Variants in TTC21B observed in about 807,000 individuals in gnomAD.
TTC21B encodes tetratricopeptide repeat domain 21B.
In TTC21B, 127 loss-of-function variants were observed where a neutral mutation model predicts 175.1. The observed-to-expected ratio is 0.73, with a 90% CI of 0.63 to 0.84. TTC21B has a LOEUF of 0.84. Ranked by LOEUF, TTC21B falls within the 40% of genes least tolerant of loss-of-function variation. The pLI, the probability that TTC21B is intolerant of heterozygous loss-of-function variation, is 0.00. For missense variants in TTC21B, 1,561 were observed against 1,558.3 expected (o/e 1.00, Z -0.03); for synonymous variants, 524 against 524.5 (o/e 1.00, Z 0.01).
Position 165,943,351 on chromosome 2 carries a change from G to A in TTC21B, c.430-10C>T. 1 of 1,589,620 alleles carries A rather than the reference G, an allele frequency of 6.3e-7. No homozygotes were observed. The highest frequency in any genetic ancestry group is 2.2e-5 in the East Asian group (1 of 44,616). On this transcript the variant is annotated splice_polypyrimidine_tract_variant and intron_variant, in intron 4 of 28. Transcript: ENST00000243344. ...CTTTCAAAACGTGTCCCTGTAAAAT[G>A]AATAATTCTATTTTTACTTTTTTAG...
chr2:165,938,594 C>T (rs1289198394), intron 6 of TTC21B, among the ~76,000 whole-genome samples: 1 of 152,126 alleles, frequency 6.6e-6, no homozygotes. Context: ...AGTTGTACTA[C>T]ACCATGGCAG....
intron 16 of TTC21B, 50 bp downstream of exon 16, chr2:165,913,524 A>T: frequency 2.4e-6 from 3 of 1,247,500 alleles, no homozygotes; most frequent in Non-Finnish European, 3.5e-6. Context: ...AGTTGTACTC[A>T]TCACAAATAA....
rs746849236 is a variant in TTC21B at position 165,888,428 on chromosome 2, CT to C, written c.3309del (p.Ala1104GlnfsTer8). 1.9e-6 allele frequency: 3 copies of C among 1,613,752 alleles called. No homozygotes were observed. Among genetic ancestry groups the C allele is most frequent in the Non-Finnish European group, 8.5e-7 (1 of 1,179,896 alleles). ...TTTAGTTCCTTAAGAAGTTTTTCTG[CT>C]GTTCTTACTGCCAGTTGCACAGATT... ...KQESVQLAVRTAEKLLKELKP... is the reference protein window; with the variant it reads ...KQESVQLAVRXAEKLLKELKP... On this transcript the variant is annotated frameshift_variant, in exon 25 of 29. Transcript: ENST00000243344. LOFTEE classifies it high-confidence loss of function.
intron 14 of TTC21B, among the ~76,000 whole-genome samples, 174 bp downstream of exon 14, chr2:165,917,083 T>G (rs1003057871): frequency 6.6e-6 from 1 of 152,174 alleles, no homozygotes; most frequent in Non-Finnish European, 1.5e-5. Context: ...TTCACCATAT[T>G]GGCCAGGCTG....
chr2:165,935,240 A>G (rs1687086324), intron 6 of TTC21B, among the ~76,000 whole-genome samples: 1 of 152,208 alleles, frequency 6.6e-6, no homozygotes, highest in Non-Finnish European at 1.5e-5. Flanking sequence ...CTGAATCATT[A>G]TATGTTTAGA....
chr2:165,896,611 T>C (rs1204779735), intron 22 of TTC21B, among the ~76,000 whole-genome samples: 1 of 152,086 alleles, frequency 6.6e-6, no homozygotes, highest in Non-Finnish European at 1.5e-5. Context: ...AGGGGCATTC[T>C]AAGGAAGAAG....
chr2:165,939,815 C>CT (rs1687296692), intron 6 of TTC21B, among the ~76,000 whole-genome samples: 2 of 152,164 alleles, frequency 1.3e-5, no homozygotes, highest in Non-Finnish European at 2.9e-5. Flanking sequence ...GAAGCAAACT[C>CT]TATCCTCTAG....
In TTC21B at chr2:165,937,771, C is replaced by CCACACACACA. The variant is rs4001021; in HGVS notation, c.710+3246_710+3255dup. Among the ~76,000 whole-genome samples, 590 of 127,604 alleles carry CCACACACACA rather than the reference C, an allele frequency of 4.6e-3. 2 individuals are homozygous for CCACACACACA. The highest frequency in any genetic ancestry group is 0.014 in the African/African-American group (477 of 33,746). The allele number at this position is 127,604 out of a possible 152,430, so 83.7% of individuals were successfully genotyped here. On this transcript the variant is annotated intron_variant, in intron 6 of 28. Coordinates refer to ENST00000243344, the MANE Select transcript of TTC21B (RefSeq NM_024753.5). ...TACATATTTTTAAAATATATAGAAA[C>CCACACACACA]CACACACACACACACACACACACAC...
At chr2:165,950,242 C>T (rs574004618) in intron 1 of TTC21B, among the ~76,000 whole-genome samples, 47 of 152,200 alleles carry the variant, frequency 3.1e-4, no homozygotes, top group African/African-American at 1.0e-3. Flanking sequence ...TTGAGTTCTG[C>T]GACAAATAAA....
intron 27 of TTC21B, chr2:165,879,737 C>T (rs950190267): frequency 6.6e-6 from 1 of 152,066 alleles, no homozygotes; most frequent in Non-Finnish European, 1.5e-5. Flanking sequence ...ATGGCATCTA[C>T]CACCTTCACA....
intron 26 of TTC21B, 26 bp downstream of exon 26, chr2:165,883,768 T>C (rs767928289): frequency 6.5e-5 from 102 of 1,565,688 alleles, no homozygotes; most frequent in Non-Finnish European, 7.9e-5. Context: ...AGGTCAATAA[T>C]TATTTTTTAC....
Position 165,901,786 on chromosome 2 carries a change from C to T in TTC21B, c.2693G>A (p.Arg898Gln), listed in dbSNP as rs574017249. The change falls in exon 20 of 29, where the codon CGA becomes CAA. Residue 898 changes from arginine (R) to glutamine (Q), a missense_variant. Arg to Gln is a conservative substitution (Grantham distance 43). Coordinates refer to ENST00000243344, the MANE Select transcript of TTC21B (RefSeq NM_024753.5). ...AEIAKHSVAQ[R>Q]DYEKAIKFYR... Reference sequence around the variant, plus strand: ...AAACTTAATTGCTTTTTCATAGTCTCGCTGAGCAACAGAATGTTTTGCAAT... The same window carrying T: ...AAACTTAATTGCTTTTTCATAGTCTTGCTGAGCAACAGAATGTTTTGCAAT... The T allele has an allele frequency of 9.5e-5, 153 of 1,613,962 alleles. No individual in the cohort carries two copies. The highest frequency in any genetic ancestry group is 1.1e-4 in the Non-Finnish European group (131 of 1,180,022).
chr2:165,934,477 G>A (rs1210955179), intron 6 of TTC21B, among the ~76,000 whole-genome samples: 1 of 135,292 alleles, frequency 7.4e-6, no homozygotes, highest in Non-Finnish European at 1.5e-5. Flanking sequence ...ACTCCAGTCT[G>A]GGCAACAAGC....
Position 165,901,727 on chromosome 2 carries a change from T to C in TTC21B, c.2752A>G (p.Asn918Asp), listed in dbSNP as rs147900868. 6.8e-6 allele frequency: 11 copies of C among 1,613,388 alleles called. No individual in the cohort carries two copies. The African/African-American group carries it at 1.3e-4, about 20-fold the overall frequency. ...REALVHCETD[N>D]KIMLELARLY... ...AATTTTATAAAGGTACTGACCTTAT[T>C]ATCTGTTTCGCAGTGAACCAGAGCC... The change falls in exon 20 of 29, where the codon AAT (asparagine) becomes GAT (aspartate). Residue 918 changes from asparagine to aspartate, a missense_variant. Asn to Asp is a conservative substitution (Grantham distance 23). Transcript: ENST00000243344.
Position 165,884,976 on chromosome 2 carries a change from C to T in TTC21B, c.3460-958G>A, listed in dbSNP as rs940608616. Among the ~76,000 whole-genome samples, 10 of 152,222 alleles carry T rather than the reference C, an allele frequency of 6.6e-5. No individual in the cohort carries two copies. In the East Asian group the frequency reaches 1.9e-3, roughly 29 times the overall value. On this transcript the variant is annotated intron_variant, in intron 25 of 28. Coordinates refer to ENST00000243344, the MANE Select transcript of TTC21B (RefSeq NM_024753.5). The stretch of plus-strand genomic sequence containing the variant: ...AGGCTAGTGCATAGCGAGACCTCGC[C>T]TCAACTGAAAATACAAAAGAAAAAC...
Position 165,906,971 on chromosome 2 carries a change from A to G in TTC21B, c.2568+707T>C, listed in dbSNP as rs542150592. 2.3e-4 allele frequency among the ~76,000 whole-genome samples: 34 copies of G among 151,088 alleles called. No individual in the cohort carries two copies. In the South Asian group the frequency reaches 2.3e-3, roughly 10 times the overall value. On this transcript the variant is annotated intron_variant, in intron 19 of 28. Transcript: ENST00000243344. ...ACTCCGTCTCAAAAAAAAAAAAAAA[A>G]AAAAAAGAAAAAAAGAATTAGCATC...
At chr2:165,939,974 T>C (rs920186637) in intron 6 of TTC21B, among the ~76,000 whole-genome samples, 1 of 152,164 alleles carries the variant, frequency 6.6e-6, no homozygotes, top group Non-Finnish European at 1.5e-5. Flanking sequence ...GAAATACTAA[T>C]AGTACCTTCC....
intron 6 of TTC21B, among the ~76,000 whole-genome samples, chr2:165,938,236 G>C (rs549161235): frequency 8.4e-4 from 127 of 151,860 alleles, no homozygotes; most frequent in Non-Finnish European, 7.7e-4. Flanking sequence ...TAACGGAAAA[G>C]ACTTCAGCAT....
At position 165,917,279 on chromosome 2, in the gene TTC21B, A is replaced by G; in HGVS notation, c.1877T>C (p.Val626Ala). The G allele has an allele frequency of 2.5e-6, 4 of 1,614,164 alleles. No homozygotes were observed. The highest frequency in any genetic ancestry group is 3.4e-6 in the Non-Finnish European group (4 of 1,180,002). The change falls in exon 14 of 29, where the codon GTT (valine) becomes GCT (alanine). Residue 626 changes from valine to alanine, a missense_variant. Transcript: ENST00000243344. ...RLSIFLELID[V>A]HRLNGEQHEA... is the part of the protein sequence containing the mutation. ...TACCTGCTCTCCATTTAAGCGGTGA[A>G]CGTCTATCAATTCAAGAAAGATCGA...
Sources: allele counts gnomAD v4.1 joint callset (sites outside exome capture counted in the v4.1 genomes callset), GRCh38; gene constraint gnomAD v4.1.1; transcripts MANE v1.5; gene names NCBI Gene and HGNC (gene_info 2026-07-23, HGNC 2026-07-21).